The following CASK variants were observed in gnomAD, a reference collection of about 807,000 sequenced individuals.
The protein encoded by CASK is calcium/calmodulin dependent serine protein kinase.
In CASK, 4 loss-of-function variants were observed where a neutral mutation model predicts 82.9. The ratio of observed to expected loss-of-function variants is 0.05; its 90% CI spans 0.02 to 0.11. The LOEUF (loss-of-function observed/expected upper bound fraction) is 0.11. CASK is among the 10% of genes least tolerant of loss of function. The pLI is 1.00. For missense variants in CASK, 358 were observed against 720.9 expected, an observed-to-expected ratio of 0.50 and a Z score of 5.76; for synonymous variants, 259 against 253.5, an observed-to-expected ratio of 1.02 and a Z score of -0.20.
At chrX:41,657,443 A>G (rs1359789703) in intron 8 of CASK, among the ~76,000 whole-genome samples, 2 of 112,652 alleles carry the variant, frequency 1.8e-5, no homozygotes, top group African/African-American at 6.5e-5. Flanking sequence ...ATGATGATGG[A>G]CTGAACTAAT....
intron 6 of CASK, among the ~76,000 whole-genome samples, chrX:41,668,215 A>G (rs2067144949): frequency 9.0e-6 from 1 of 111,636 alleles, no homozygotes; most frequent in African/African-American, 3.3e-5. Context: ...TAGCCCAGAT[A>G]GTTATGGGAA....
chrX:41,549,075 G>A (rs765393347), intron 21 of CASK, among the ~76,000 whole-genome samples: 55 of 111,420 alleles, frequency 4.9e-4, no homozygotes, highest in African/African-American at 1.6e-3. Flanking sequence ...GACAGAGTCC[G>A]GGAGCTAAAA....
At chrX:41,594,215 A>G (rs1259499231) in intron 12 of CASK, among the ~76,000 whole-genome samples, 1 of 111,950 alleles carries the variant, frequency 8.9e-6, no homozygotes, top group Admixed American at 9.5e-5. Flanking sequence ...GCCCTTCCAT[A>G]TTCACCCCAG....
intron 5 of CASK, among the ~76,000 whole-genome samples, chrX:41,702,407 AATTAC>A (rs2067814790): frequency 9.4e-6 from 1 of 106,550 alleles, no homozygotes; most frequent in African/African-American, 3.5e-5. Flanking sequence ...TAAATAAATA[AATTAC>A]AATAAAATAA....
At chrX:41,840,401 G>A (rs1209730565) in intron 2 of CASK, among the ~76,000 whole-genome samples, 4 of 112,087 alleles carry the variant, frequency 3.6e-5, no homozygotes, top group East Asian at 2.8e-4. Context: ...GTAAGAAAGC[G>A]ATAGACTTTT....
intron 5 of CASK, among the ~76,000 whole-genome samples, chrX:41,719,520 G>A (rs1001959753): frequency 1.8e-5 from 2 of 111,801 alleles, no homozygotes; most frequent in Non-Finnish European, 1.9e-5. Flanking sequence ...CTTGTTCCCC[G>A]GTACCATAAA....
intron 2 of CASK, among the ~76,000 whole-genome samples, chrX:41,823,266 G>C (rs1420157229): frequency 9.2e-6 from 1 of 108,800 alleles, no homozygotes; most frequent in Non-Finnish European, 1.9e-5. Flanking sequence ...GGTCTTGATG[G>C]AAGAGGGGCC....
chrX:41,676,222 T>A, intron 5 of CASK: 1 of 1,189,420 alleles, frequency 8.4e-7, no homozygotes, highest in East Asian at 3.0e-5. Context: ...TGCAGATATC[T>A]CTTAGCTCCG....
chrX:41,695,310 CTTTTT>C (rs1331604938), intron 5 of CASK, among the ~76,000 whole-genome samples: 2 of 87,761 alleles, frequency 2.3e-5, no homozygotes, highest in Non-Finnish European at 4.6e-5. Context: ...TTTACACTGT[CTTTTT>C]TTTTTTTTTT....
chrX:41,861,257 T>C (rs2071470772), intron 1 of CASK, among the ~76,000 whole-genome samples: 1 of 111,595 alleles, frequency 9.0e-6, no homozygotes, highest in Non-Finnish European at 1.9e-5. Context: ...TGTGTGCGTG[T>C]GTGCGTGTGC....
At chrX:41,848,972 T>G (rs951538655) in intron 2 of CASK, among the ~76,000 whole-genome samples, 2 of 112,070 alleles carry the variant, frequency 1.8e-5, no homozygotes, top group Non-Finnish European at 3.8e-5. Context: ...CTGAAAAAGT[T>G]GATTCTGACA....
intron 12 of CASK, among the ~76,000 whole-genome samples, chrX:41,607,846 T>C (rs1243109964): frequency 8.9e-6 from 1 of 111,840 alleles, no homozygotes; most frequent in African/African-American, 3.3e-5. Flanking sequence ...GAGGCCTGGG[T>C]CTCTGAATGA....
At chrX:41,859,223 T>TA in intron 1 of CASK, among the ~76,000 whole-genome samples, 1 of 111,536 alleles carries the variant, frequency 9.0e-6, no homozygotes, top group East Asian at 2.8e-4. Flanking sequence ...GTGAATGATT[T>TA]AAAAAAGAAA....
intron 5 of CASK, among the ~76,000 whole-genome samples, chrX:41,731,461 ATAAT>A (rs1474492282): frequency 4.5e-5 from 5 of 112,177 alleles, no homozygotes; most frequent in Admixed American, 3.8e-4. Flanking sequence ...ACTTCTAAAA[ATAAT>A]TATTTAAAAA....
chrX:41,593,977 C>T (rs138033275), intron 12 of CASK, among the ~76,000 whole-genome samples: 1 of 111,881 alleles, frequency 8.9e-6, no homozygotes, highest in African/African-American at 3.2e-5. Context: ...TGAAAGGTAG[C>T]TGGGTTTTGA....
intron 12 of CASK, among the ~76,000 whole-genome samples, chrX:41,600,832 A>G (rs1215293172): frequency 8.9e-6 from 1 of 112,119 alleles, no homozygotes; most frequent in Non-Finnish European, 1.9e-5. Flanking sequence ...TTCCTAGTAC[A>G]TAATTATCAA....
At chrX:41,646,608 G>T (rs2066762181) in intron 8 of CASK, among the ~76,000 whole-genome samples, 1 of 111,542 alleles carries the variant, frequency 9.0e-6, no homozygotes, top group Non-Finnish European at 1.9e-5. Context: ...TATAGGAAAA[G>T]AAAACTATTT....
chrX:41,638,127 G>GA (rs2066590395), intron 8 of CASK, among the ~76,000 whole-genome samples: 1 of 112,137 alleles, frequency 8.9e-6, no homozygotes, highest in Admixed American at 9.5e-5. Context: ...AACCAACAAA[G>GA]ATTCCAGCCC....
At chrX:41,662,452 G>C (rs1427015183) in intron 7 of CASK, among the ~76,000 whole-genome samples, 1 of 111,485 alleles carries the variant, frequency 9.0e-6, no homozygotes. Flanking sequence ...TATCCATAGA[G>C]ATCAAGAATT....
Sources: allele counts gnomAD v4.1 joint callset (sites outside exome capture counted in the v4.1 genomes callset), GRCh38; gene constraint gnomAD v4.1.1; transcripts MANE v1.5; gene names NCBI Gene and HGNC (gene_info 2026-07-23, HGNC 2026-07-21).